Variants in PCDHGA7 observed in about 807,000 individuals in gnomAD.
The protein encoded by PCDHGA7 is protocadherin gamma subfamily A, 7, also known as protocadherin gamma-A7.
Under a neutral mutation model 58.3 loss-of-function variants are expected in PCDHGA7, and 44 were observed. That is an observed-to-expected ratio of 0.75 (90% CI 0.59 to 0.97). PCDHGA7 has a LOEUF of 0.97. Among genes scored for constraint, PCDHGA7 ranks in the 50% least tolerant of loss-of-function variants. The pLI is 0.00. For missense variants in PCDHGA7, 1,266 were observed against 1,188.7 expected, an observed-to-expected ratio of 1.06 and a Z score of -0.96; for synonymous variants, 516 against 504.2, an observed-to-expected ratio of 1.02 and a Z score of -0.31.
chr5:141,490,998 C>T lies in PCDHGA7; in HGVS notation c.2425-3809C>T, dbSNP rs1284919124. 5 of 1,614,014 alleles carry T rather than the reference C, an allele frequency of 3.1e-6. No homozygotes were observed. The highest frequency in any genetic ancestry group is 1.7e-5 in the Admixed American group (1 of 60,016). On this transcript the variant is annotated intron_variant, in intron 1 of 3. Coordinates refer to ENST00000518325, the MANE Select transcript of PCDHGA7 (RefSeq NM_018920.4). The surrounding 1 kb of genome is among the most constrained non-coding windows in gnomAD (Gnocchi z 5.4). Reference sequence around the variant, plus strand: ...GTCTCCCTCGCTCTGCTCCTCCTGGCTCCTTGGTCACCAAGGTGACAGCCG... The same window carrying T: ...GTCTCCCTCGCTCTGCTCCTCCTGGTTCCTTGGTCACCAAGGTGACAGCCG...
chr5:141,392,955 A>G, intron 1 of PCDHGA7: 1 of 1,613,920 alleles, frequency 6.2e-7, no homozygotes, highest in Non-Finnish European at 8.5e-7. Flanking sequence ...CGTGGGTAAT[A>G]TCTCCAAGGA....
chr5:141,409,600 G>A (rs778681839), intron 1 of PCDHGA7: 1 of 1,613,764 alleles, frequency 6.2e-7, no homozygotes. Context: ...AGAACAACCC[G>A]CCAGGAGCCT....
chr5:141,491,441 A>G lies in PCDHGA7; in HGVS notation c.2425-3366A>G, dbSNP rs776616506. 1.2e-6 allele frequency: 2 copies of G among 1,614,146 alleles called. No homozygotes were observed. The highest frequency in any genetic ancestry group is 1.7e-6 in the Non-Finnish European group (2 of 1,180,032). ...GGTGGAGGGCAGTGCTGCAGGCGCCAGGACTCACCCTCCCCGGACTTCTAT... is the reference window on the plus strand; with the variant it reads ...GGTGGAGGGCAGTGCTGCAGGCGCCGGGACTCACCCTCCCCGGACTTCTAT... On this transcript the variant is annotated intron_variant, in intron 1 of 3. Coordinates refer to ENST00000518325, the MANE Select transcript of PCDHGA7 (RefSeq NM_018920.4). The surrounding 1 kb of genome is among the most constrained non-coding windows in gnomAD (Gnocchi z 6.9).
At chr5:141,451,185 T>C (rs900513875) in intron 1 of PCDHGA7, among the ~76,000 whole-genome samples, 1 of 152,182 alleles carries the variant, frequency 6.6e-6, no homozygotes, top group Non-Finnish European at 1.5e-5. Context: ...GCCATTGCTG[T>C]GTAACAAATT....
chr5:141,423,972 T>A (rs1459859824), intron 1 of PCDHGA7: 2 of 1,128,544 alleles, frequency 1.8e-6, no homozygotes, highest in African/African-American at 3.3e-5. Flanking sequence ...CTATTATCAG[T>A]GTATGAGGCT....
intron 1 of PCDHGA7, chr5:141,420,546 G>T: frequency 3.5e-6 from 1 of 284,254 alleles, no homozygotes; most frequent in Admixed American, 5.0e-5. Flanking sequence ...ATAAAATACA[G>T]GTATATTTTT....
chr5:141,409,879 A>C, intron 1 of PCDHGA7: 1 of 1,612,852 alleles, frequency 6.2e-7, no homozygotes. Context: ...ATGACAACGC[A>C]CCGCGGGTGC....
At chr5:141,419,558 C>T (rs560723941) in intron 1 of PCDHGA7, 1 of 1,611,970 alleles carries the variant, frequency 6.2e-7, no homozygotes, top group African/African-American at 1.3e-5. Context: ...GTACCCTGCG[C>T]TGGGTCCCGA....
rs2093981639 is a variant in PCDHGA7 at position 141,400,215 on chromosome 5, A to G, written c.2424+14892A>G. On this transcript the variant is annotated intron_variant, in intron 1 of 3. Transcript: ENST00000518325. ...TAGTGGTGGCCTTGGCCTTGATCTC[A>G]GTGCTCTTCCTCCTGGCCGTGATTC... 3 of 1,613,736 alleles carry G rather than the reference A, an allele frequency of 1.9e-6. No individual in the cohort carries two copies. The East Asian group carries it at 6.7e-5, about 36-fold the overall frequency.
Position 141,487,779 on chromosome 5 carries a change from T to C in PCDHGA7, c.2425-7028T>C, listed in dbSNP as rs1269811316. On this transcript the variant is annotated intron_variant, in intron 1 of 3. Coordinates refer to ENST00000518325, the MANE Select transcript of PCDHGA7 (RefSeq NM_018920.4). This position sits in a 1 kb window ranked among gnomAD's most constrained non-coding sequence, Gnocchi z 5.0. ...GTAGACGCTGTGCTTTGTAACTGTT[T>C]CGTGAATTAACCAGAGTTGTCACAG... is the stretch of plus-strand genomic sequence containing the variant. 2.6e-6 allele frequency: 4 copies of C among 1,530,492 alleles called. No individual in the cohort carries two copies. The highest frequency in any genetic ancestry group is 2.6e-6 in the Non-Finnish European group (3 of 1,133,212). The allele number at this position is 1,530,492 out of a possible 1,614,324, so 94.8% of individuals were successfully genotyped here. A position where few individuals can be genotyped will look rare whatever the true frequency, so the allele number is the denominator to read the frequency against.
chr5:141,420,205 C>T (rs776838072), intron 1 of PCDHGA7: 14 of 1,612,942 alleles, frequency 8.7e-6, no homozygotes, highest in African/African-American at 1.3e-5. Context: ...ATAACCTCAA[C>T]AAAGATAGCA....
At chr5:141,394,667 G>T in intron 1 of PCDHGA7, 2 of 1,613,252 alleles carry the variant, frequency 1.2e-6, no homozygotes, top group East Asian at 2.2e-5. Flanking sequence ...GACTCTTCTC[G>T]GTGGGTCTGC....
chr5:141,383,417 G>T lies in PCDHGA7; in HGVS notation c.518G>T (p.Ser173Ile). The T allele has an allele frequency of 1.9e-6, 3 of 1,614,014 alleles. No homozygotes were observed. In the South Asian group the frequency reaches 3.3e-5, roughly 18 times the overall value. The change falls in exon 1 of 4, where the codon AGC (serine) becomes ATC (isoleucine). Residue 173 changes from serine (S) to isoleucine (I), a missense_variant. Ser to Ile is a moderately radical substitution (Grantham distance 142). Transcript: ENST00000518325. ...AACTCCCTCCAGAGTTACCAGCTCA[G>T]CCCCAATCGCCACTTCTCCCTGGCT... ...GTNSLQSYQL[S>I]PNRHFSLAVQ...
At chr5:141,407,407 G>A (rs558103918) in intron 1 of PCDHGA7, among the ~76,000 whole-genome samples, 17 of 152,216 alleles carry the variant, frequency 1.1e-4, no homozygotes, top group African/African-American at 3.6e-4. Context: ...GTTACTATTC[G>A]ATACCACAAA....
At chr5:141,423,177 C>T (rs748689237) in intron 1 of PCDHGA7, 3 of 1,613,430 alleles carry the variant, frequency 1.9e-6, no homozygotes, top group Non-Finnish European at 2.5e-6. Context: ...TCCAGGACCA[C>T]GGCCAGCCCC....
At position 141,432,816 on chromosome 5, in the gene PCDHGA7, C is replaced by A. The variant is rs778545682; in HGVS notation, c.2424+47493C>A. Reference sequence around the variant, plus strand: ...CTCGAGTCTCCAGCTAACTCTGAAACCTCAGACCTCACTCTGTACCTGGTG... The same window carrying A: ...CTCGAGTCTCCAGCTAACTCTGAAAACTCAGACCTCACTCTGTACCTGGTG... On this transcript the variant is annotated intron_variant, in intron 1 of 3. Transcript: ENST00000518325. The surrounding 1 kb of genome is among the most constrained non-coding windows in gnomAD (Gnocchi z 6.0). The A allele has an allele frequency of 7.6e-5, 122 of 1,614,044 alleles. No individual in the cohort carries two copies. The highest frequency in any genetic ancestry group is 3.3e-5 in the Admixed American group (2 of 60,012).
intron 1 of PCDHGA7, chr5:141,419,861 T>G (rs749551833): frequency 6.2e-7 from 1 of 1,614,098 alleles, no homozygotes; most frequent in Non-Finnish European, 8.5e-7. Context: ...CGCAGATAGC[T>G]TGCAAGAGGT....
At chr5:141,419,757 G>C in intron 1 of PCDHGA7, 1 of 1,613,994 alleles carries the variant, frequency 6.2e-7, no homozygotes, top group Non-Finnish European at 8.5e-7. Flanking sequence ...CGTGCTTTGG[G>C]TGACAAGGAC....
intron 1 of PCDHGA7, among the ~76,000 whole-genome samples, chr5:141,448,476 G>A (rs1002358317): frequency 1.3e-5 from 2 of 151,976 alleles, no homozygotes; most frequent in African/African-American, 4.8e-5. Flanking sequence ...TTCCACCCTT[G>A]CTTCCTCCTG....
Sources: gnomAD v4.1 joint callset for allele counts (sites outside exome capture counted in the v4.1 genomes callset) on GRCh38, gnomAD v4.1.1 for gene constraint, Gnocchi (gnomAD v3.1) non-coding constraint, MANE v1.5 for transcripts, NCBI Gene and HGNC (gene_info 2026-07-23, HGNC 2026-07-21) for gene names.